The following TMEM232 variants were observed in gnomAD, a reference collection of about 807,000 sequenced individuals.
The protein encoded by TMEM232 is transmembrane protein 232.
Under a neutral mutation model 78.8 loss-of-function variants are expected in TMEM232, and 80 were observed. The observed-to-expected ratio is 1.01, with a 90% CI of 0.85 to 1.22. The LOEUF (loss-of-function observed/expected upper bound fraction) is 1.22, where lower values mean the gene tolerates loss of function less well. TMEM232 is among the 50% of genes most tolerant of loss of function. The pLI, the probability that TMEM232 is intolerant of heterozygous loss-of-function variation, is 0.00. For synonymous variants in TMEM232, 297 were observed against 254.3 expected (o/e 1.17, Z -1.60); for missense variants, 881 against 742.2 (o/e 1.19, Z -2.17).
intron 10 of TMEM232, among the ~76,000 whole-genome samples, chr5:110,589,446 AC>A (rs1423920781): frequency 6.6e-6 from 1 of 152,154 alleles, no homozygotes; most frequent in Non-Finnish European, 1.5e-5. Context: ...TCTCAACGTC[AC>A]CTTTTGCACA....
chr5:110,696,069 A>G (rs1419645979), intron 1 of TMEM232, among the ~76,000 whole-genome samples: 2 of 152,216 alleles, frequency 1.3e-5, no homozygotes, highest in Admixed American at 6.5e-5. Context: ...ATACTGGCAA[A>G]CTGAATCCAG....
intron 12 of TMEM232, among the ~76,000 whole-genome samples, chr5:110,498,637 A>T (rs1193576803): frequency 6.6e-6 from 1 of 152,180 alleles, no homozygotes; most frequent in Non-Finnish European, 1.5e-5. Flanking sequence ...ATAAACATTT[A>T]TGTGACTTCA....
chr5:110,426,179 G>T (rs1212955375), intron 12 of TMEM232, among the ~76,000 whole-genome samples: 1 of 151,762 alleles, frequency 6.6e-6, no homozygotes, highest in Non-Finnish European at 1.5e-5. Flanking sequence ...TCACCCTTCA[G>T]CTCTCAGTTC....
chr5:110,711,309 C>A (rs906317742), intron 1 of TMEM232, among the ~76,000 whole-genome samples: 5 of 152,010 alleles, frequency 3.3e-5, no homozygotes, highest in African/African-American at 1.2e-4. Context: ...TTGGAAGAAT[C>A]AATATTGTTA....
chr5:110,738,462 C>T (rs1214013961), upstream of TMEM232, among the ~76,000 whole-genome samples: 5 of 152,114 alleles, frequency 3.3e-5, no homozygotes, highest in Admixed American at 6.6e-5. Context: ...TTCTTTCACC[C>T]CCGACGTGCA....
At chr5:110,632,958 A>G (rs1284981389) in intron 5 of TMEM232, among the ~76,000 whole-genome samples, 1 of 152,166 alleles carries the variant, frequency 6.6e-6, no homozygotes, top group African/African-American at 2.4e-5. Context: ...TCTAAAGTCA[A>G]AGATAAAGAA....
At chr5:110,516,071 C>T (rs1768587092) in intron 12 of TMEM232, among the ~76,000 whole-genome samples, 1 of 152,134 alleles carries the variant, frequency 6.6e-6, no homozygotes, top group Admixed American at 6.5e-5. Flanking sequence ...AACCCAGTCC[C>T]TACTAAAAAC....
intron 12 of TMEM232, among the ~76,000 whole-genome samples, chr5:110,465,167 A>G (rs1056525673): frequency 6.6e-6 from 1 of 152,262 alleles, no homozygotes; most frequent in African/African-American, 2.4e-5. Flanking sequence ...ATTCAGATAG[A>G]CAAAGACAGG....
chr5:110,563,570 T>C (rs1775994139), intron 11 of TMEM232, among the ~76,000 whole-genome samples: 1 of 151,932 alleles, frequency 6.6e-6, no homozygotes, highest in Non-Finnish European at 1.5e-5. Flanking sequence ...TACGCCATTT[T>C]CTATTTCTGT....
intron 6 of TMEM232, 24 bp from the exon 7 acceptor site, chr5:110,625,457 G>T (rs1452103264): frequency 2.0e-6 from 3 of 1,483,746 alleles, no homozygotes; most frequent in Non-Finnish European, 1.8e-6. Context: ...AATCATCTGT[G>T]AGAAATAATT....
At chr5:110,589,275 G>A (rs1779212967) in intron 10 of TMEM232, among the ~76,000 whole-genome samples, 1 of 152,196 alleles carries the variant, frequency 6.6e-6, no homozygotes, top group Non-Finnish European at 1.5e-5. Flanking sequence ...TCTATAACAT[G>A]GGAAGTGTTT....
Position 110,678,374 on chromosome 5 carries a change from T to C in TMEM232, c.-12-11010A>G, listed in dbSNP as rs375729989. Among the ~76,000 whole-genome samples, 8 of 152,248 alleles carry C rather than the reference T, an allele frequency of 5.3e-5. No homozygotes were observed. The South Asian group carries it at 1.2e-3, about 24-fold the overall frequency. On this transcript the variant is annotated intron_variant, in intron 1 of 13. Coordinates refer to ENST00000455884, the MANE Select transcript of TMEM232 (RefSeq NM_001039763.4). ...GCCACCATGCCTAGCCTGACTTTACTTTTTTAGAGCAGTTTTAGAGCAAAA... is the reference window on the plus strand; with the variant it reads ...GCCACCATGCCTAGCCTGACTTTACCTTTTTAGAGCAGTTTTAGAGCAAAA...
intron 12 of TMEM232, among the ~76,000 whole-genome samples, chr5:110,512,720 C>T (rs182964107): frequency 3.0e-4 from 46 of 152,198 alleles, no homozygotes; most frequent in African/African-American, 1.1e-3. Context: ...GCTCAACAAT[C>T]CCCCTTTCTT....
At chr5:110,517,489 C>G (rs1043651554) in intron 12 of TMEM232, among the ~76,000 whole-genome samples, 11 of 152,176 alleles carry the variant, frequency 7.2e-5, no homozygotes, top group African/African-American at 2.4e-4. Context: ...TTTAGCCAGG[C>G]CTGATCTAGG....
chr5:110,689,773 G>A (rs932024590), intron 1 of TMEM232, among the ~76,000 whole-genome samples: 4 of 152,116 alleles, frequency 2.6e-5, no homozygotes, highest in East Asian at 3.8e-4. Context: ...GCATGGTACT[G>A]GTACCAAAAC....
intron 12 of TMEM232, among the ~76,000 whole-genome samples, chr5:110,432,416 C>A (rs1290456560): frequency 6.6e-6 from 1 of 151,506 alleles, no homozygotes; most frequent in Non-Finnish European, 1.5e-5. Context: ...TGAAGTTTTT[C>A]CCAAACATGC....
upstream of TMEM232, among the ~76,000 whole-genome samples, chr5:110,731,461 G>T (rs974050603): frequency 1.3e-5 from 2 of 152,218 alleles, no homozygotes; most frequent in African/African-American, 2.4e-5. Flanking sequence ...CACCCCTGCA[G>T]CAGACTTTTG....
chr5:110,539,292 C>T (rs987797089), intron 11 of TMEM232, among the ~76,000 whole-genome samples: 5 of 152,170 alleles, frequency 3.3e-5, no homozygotes, highest in Non-Finnish European at 4.4e-5. Context: ...ACTTACCCAT[C>T]GACTCTTAAA....
chr5:110,574,731 T>G (rs1271522170), intron 10 of TMEM232, among the ~76,000 whole-genome samples: 1 of 152,126 alleles, frequency 6.6e-6, no homozygotes, highest in African/African-American at 2.4e-5. Context: ...AAGTAAATGT[T>G]CTTCACACAA....
Sources: gnomAD v4.1 joint callset for allele counts (sites outside exome capture counted in the v4.1 genomes callset) on GRCh38, gnomAD v4.1.1 for gene constraint, MANE v1.5 for transcripts, NCBI Gene and HGNC (gene_info 2026-07-23, HGNC 2026-07-21) for gene names.